The following ANKEF1 variants were observed in gnomAD, a reference collection of about 807,000 sequenced individuals.
ANKEF1 encodes the protein ankyrin repeat and EF-hand domain containing 1.
Under a neutral mutation model 65.1 loss-of-function variants are expected in ANKEF1, and 43 were observed. The observed-to-expected ratio is 0.66, with a 90% CI of 0.52 to 0.85. ANKEF1 has a LOEUF of 0.85. ANKEF1 is among the 40% of genes least tolerant of loss of function. The pLI is 0.00. For missense variants in ANKEF1, 934 were observed against 952.9 expected (o/e 0.98, Z 0.26); for synonymous variants, 316 against 341.5 (o/e 0.93, Z 0.82).
intron 7 of ANKEF1, 79 bp from the exon 8 acceptor site, chr20:10,051,584 T>A (rs1600523340): frequency 8.9e-7 from 1 of 1,129,794 alleles, no homozygotes; most frequent in Non-Finnish European, 1.3e-6. Flanking sequence ...TAGAACTCTA[T>A]GAAATCTTAC....
intron 9 of ANKEF1, 89 bp downstream of exon 9, chr20:10,053,364 A>T (rs988697573): frequency 1.0e-5 from 12 of 1,170,814 alleles, no homozygotes; most frequent in Non-Finnish European, 1.3e-5. Flanking sequence ...ACATATTGTT[A>T]TACAACATGG....
chr20:10,054,167 G>A (rs891460776), intron 9 of ANKEF1, among the ~76,000 whole-genome samples: 8 of 152,034 alleles, frequency 5.3e-5, no homozygotes, highest in African/African-American at 7.2e-5. Context: ...AGGTGAAGGA[G>A]GATCAGTCAA....
At chr20:10,039,703 C>A (rs1161478400) in intron 3 of ANKEF1, among the ~76,000 whole-genome samples, 1 of 152,144 alleles carries the variant, frequency 6.6e-6, no homozygotes, top group Non-Finnish European at 1.5e-5. Flanking sequence ...TTCCATGGAC[C>A]ACTGAATTGC....
Position 10,052,890 on chromosome 20 carries a change from A to T in ANKEF1, c.1871-222A>T, listed in dbSNP as rs545271655. Among the ~76,000 whole-genome samples the T allele has an allele frequency of 2.3e-3, 355 of 152,228 alleles. 2 individuals are homozygous for T. Among genetic ancestry groups the T allele is most frequent in the African/African-American group, 8.0e-3 (334 of 41,532 alleles). ...GTAAAAAAAAAACTAAGGAAAAGTAATTTTCTGTATTTAGATGGCACTATA... is the reference window on the plus strand; with the variant it reads ...GTAAAAAAAAAACTAAGGAAAAGTATTTTTCTGTATTTAGATGGCACTATA... On this transcript the variant is annotated intron_variant, in intron 8 of 10. Transcript: ENST00000378392.
rs754580317 is a variant in ANKEF1, at chr20:10,051,670, G to A, written c.1651G>A (p.Val551Ile). Residue 551 changes from valine to isoleucine, a missense_variant, in exon 8 of 11, where the codon GTT becomes ATT. Val to Ile is a conservative substitution (Grantham distance 29). Transcript: ENST00000378392. ...VKFLLEKGAN[V>I]NATDNFLWTP... is the part of the protein sequence containing the mutation. ...ATCTATCTTATTTTACAGAGCTAACGTTAATGCAACAGATAACTTTCTGTG... is the reference window on the plus strand; with the variant it reads ...ATCTATCTTATTTTACAGAGCTAACATTAATGCAACAGATAACTTTCTGTG... 11 of 1,612,614 alleles carry A rather than the reference G, an allele frequency of 6.8e-6. No homozygotes were observed. Among genetic ancestry groups the A allele is most frequent in the Non-Finnish European group, 8.5e-6 (10 of 1,179,032 alleles).
Position 10,045,667 on chromosome 20 carries a change from G to T in ANKEF1, c.790G>T (p.Ala264Ser). Residue 264 changes from alanine (A) to serine (S), a missense_variant, in exon 6 of 11, where the codon GCA becomes TCA. By Grantham distance (99) the Ala-to-Ser change is moderately conservative (BLOSUM62 1). Transcript: ENST00000378392. The stretch of plus-strand genomic sequence containing the variant: ...TCATTATGCTGCCATGGGTGGTTTT[G>T]CAGACTGCTGTAAATATATAGCTCA... ...PLHYAAMGGF[A>S]DCCKYIAQRG... The T allele has an allele frequency of 6.2e-7, 1 of 1,613,692 alleles. No individual in the cohort carries two copies. The highest frequency in any genetic ancestry group is 8.5e-7 in the Non-Finnish European group (1 of 1,179,754).
rs1984397577 is a variant in ANKEF1, at chr20:10,044,542, A to G, written c.695A>G (p.Asp232Gly). The change falls in exon 5 of 11, where the codon GAT (aspartate) becomes GGT (glycine). Residue 232 changes from aspartate (D) to glycine (G), a missense_variant and splice_region_variant. Physicochemically the swap from Asp to Gly is moderately conservative, Grantham distance 94. Coordinates refer to ENST00000378392, the MANE Select transcript of ANKEF1 (RefSeq NM_022096.6). Reference protein sequence around the residue: ...AHFAAKGGFFDILKLLFAYNG... With the variant: ...AHFAAKGGFFGILKLLFAYNG... ...TTTGCTGCTAAAGGAGGCTTTTTCG[A>G]TGTAATAATCTATTCTTTGCTTTAA... The G allele has an allele frequency of 6.2e-7, 1 of 1,613,788 alleles. No individual in the cohort carries two copies. Among genetic ancestry groups the G allele is most frequent in the Admixed American group, 1.7e-5 (1 of 59,934 alleles).
In ANKEF1 at chr20:10,050,021, G is replaced by A. The variant is rs2122262355; in HGVS notation, c.1452G>A (p.Trp484Ter). The A allele has an allele frequency of 1.2e-6, 2 of 1,614,076 alleles. No individual in the cohort carries two copies. Among genetic ancestry groups the A allele is most frequent in the Non-Finnish European group, 1.7e-6 (2 of 1,179,974 alleles). The change falls in exon 7 of 11, where the codon TGG (tryptophan) becomes TGA (stop). Residue 484 changes from tryptophan to a stop codon, truncating the protein, a stop_gained. Coordinates refer to ENST00000378392, the MANE Select transcript of ANKEF1 (RefSeq NM_022096.6). LOFTEE classifies it high-confidence loss of function. ...PEHPIQDDSV[W>*]YIDDSEKVFS... Reference sequence around the variant, plus strand: ...ATCCCATTCAGGATGACTCTGTTTGGTACATTGATGATTCAGAGAAGGTAT... The same window carrying A: ...ATCCCATTCAGGATGACTCTGTTTGATACATTGATGATTCAGAGAAGGTAT...
At position 10,038,477 on chromosome 20, in the gene ANKEF1, A is replaced by T. The variant is rs368263204; in HGVS notation, c.176A>T (p.Asn59Ile). Residue 59 changes from asparagine to isoleucine, a missense_variant, in exon 3 of 11, where the codon AAT becomes ATT. Asn to Ile is a moderately radical substitution (Grantham distance 149). Coordinates refer to ENST00000378392, the MANE Select transcript of ANKEF1 (RefSeq NM_022096.6). The stretch of plus-strand genomic sequence containing the variant: ...GCTTTGCACTTAGCCTCAGTTTCCA[A>T]TGATATTGATATGGTCAGCTTTCTC... ...LSALHLASVSNDIDMVSFLLD... is the reference protein window; with the variant it reads ...LSALHLASVSIDIDMVSFLLD... 1 of 1,614,092 alleles carries T rather than the reference A, an allele frequency of 6.2e-7. No homozygotes were observed. The highest frequency in any genetic ancestry group is 1.3e-5 in the African/African-American group (1 of 74,940).
Position 10,054,451 on chromosome 20 carries a change from C to A in ANKEF1, c.2035-11C>A. The stretch of plus-strand genomic sequence containing the variant: ...TTTTACAATTTATAATTTTTTTGTT[C>A]TTGTTTCCAGGAACTGCTGTCATCA... On this transcript the variant is annotated splice_polypyrimidine_tract_variant and intron_variant, in intron 9 of 10. Transcript: ENST00000378392. 2 of 1,519,162 alleles carry A rather than the reference C, an allele frequency of 1.3e-6. No individual in the cohort carries two copies. The highest frequency in any genetic ancestry group is 2.5e-5 in the Admixed American group (1 of 39,758). The allele number at this position is 1,519,162 out of a possible 1,614,324, so 94.1% of individuals were successfully genotyped here. A position where few individuals can be genotyped will look rare whatever the true frequency, so the allele number is the denominator to read the frequency against.
chr20:10,037,346 A>G (rs112061501), intron 2 of ANKEF1, among the ~76,000 whole-genome samples: 3 of 152,112 alleles, frequency 2.0e-5, no homozygotes, highest in Admixed American at 6.5e-5. Context: ...CCTGCGCCCC[A>G]GCCCCACACC....
Position 10,055,948 on chromosome 20 carries a change from G to A in ANKEF1, c.*288G>A. 1 of 309,512 alleles carries A rather than the reference G, an allele frequency of 3.2e-6. No homozygotes were observed. 19.2% of individuals were successfully genotyped at this position (309,512 alleles called of 1,614,324 possible). The stretch of plus-strand genomic sequence containing the variant: ...ACGTTGCTGTCAAAAGATTTACCAG[G>A]TCTACACCATTATGCTTATTATTTT... On this transcript the variant is annotated 3_prime_UTR_variant, in exon 11 of 11. Transcript: ENST00000378392.
At chr20:10,052,833 T>C (rs1215871394) in intron 8 of ANKEF1, among the ~76,000 whole-genome samples, 2 of 152,208 alleles carry the variant, frequency 1.3e-5, no homozygotes, top group East Asian at 3.9e-4. Context: ...AGATGTAATA[T>C]AATATTTCCT....
At chr20:10,038,669 C>T in intron 3 of ANKEF1, 22 bp downstream of exon 3, 4 of 1,524,072 alleles carry the variant, frequency 2.6e-6, no homozygotes, top group Non-Finnish European at 3.6e-6. Flanking sequence ...GACATCCTCT[C>T]CAGCAGATTG....
intron 4 of ANKEF1, among the ~76,000 whole-genome samples, chr20:10,043,563 A>C (rs1447578621): frequency 6.6e-6 from 1 of 151,978 alleles, no homozygotes; most frequent in Non-Finnish European, 1.5e-5. Context: ...TATAGGAAAT[A>C]GTAAAAAAAG....
chr20:10,052,705 C>A (rs1984936306), intron 8 of ANKEF1, among the ~76,000 whole-genome samples: 1 of 151,992 alleles, frequency 6.6e-6, no homozygotes, highest in Non-Finnish European at 1.5e-5. Context: ...ACTAGCTTCC[C>A]CAGACCTTTT....
intron 3 of ANKEF1, among the ~76,000 whole-genome samples, chr20:10,039,147 A>T (rs1047741472): frequency 2.0e-5 from 3 of 152,202 alleles, no homozygotes; most frequent in African/African-American, 7.2e-5. Context: ...ACTTTCTAGG[A>T]TCATTTAAAA....
intron 4 of ANKEF1, among the ~76,000 whole-genome samples, chr20:10,043,685 G>A (rs1427923457): frequency 6.4e-4 from 73 of 113,866 alleles, no homozygotes; most frequent in East Asian, 1.2e-3. Context: ...TGGAGACAGC[G>A]TCTCACTCTG....
chr20:10,035,272 G>C lies in ANKEF1; in HGVS notation c.-170G>C, dbSNP rs1012453622. The C allele has an allele frequency of 6.6e-6, 1 of 152,370 alleles. No homozygotes were observed. Among genetic ancestry groups the C allele is most frequent in the Non-Finnish European group, 1.5e-5 (1 of 68,138 alleles). The allele number at this position is 152,370 out of a possible 1,614,324, so 9.4% of individuals were successfully genotyped here. A position where few individuals can be genotyped will look rare whatever the true frequency, so the allele number is the denominator to read the frequency against. On this transcript the variant is annotated 5_prime_UTR_variant, in exon 1 of 11. Coordinates refer to ENST00000378392, the MANE Select transcript of ANKEF1 (RefSeq NM_022096.6). Reference sequence around the variant, plus strand: ...AGCAGGGGCCTCCCCGGTCGCCCCAGCAGGCCCAGGCACATAGGTGCCCAG... The same window carrying C: ...AGCAGGGGCCTCCCCGGTCGCCCCACCAGGCCCAGGCACATAGGTGCCCAG...
Sources: gnomAD v4.1 joint callset for allele counts (sites outside exome capture counted in the v4.1 genomes callset) on GRCh38, gnomAD v4.1.1 for gene constraint, MANE v1.5 for transcripts, NCBI Gene and HGNC (gene_info 2026-07-23, HGNC 2026-07-21) for gene names.